The following TUT4 variants were observed in gnomAD, a reference collection of about 807,000 sequenced individuals.
TUT4 encodes terminal uridylyltransferase 4.
A neutral mutation model predicts 192.2 loss-of-function variants in TUT4; 36 were observed. The ratio of observed to expected loss-of-function variants is 0.19; its 90% confidence interval spans 0.14 to 0.25. TUT4 has a LOEUF of 0.25. TUT4 is among the 10% of genes least tolerant of loss of function. The pLI is 1.00. For missense variants in TUT4, 1,493 were observed against 1,957.2 expected (o/e 0.76, Z 4.47); for synonymous variants, 618 against 666.0 (o/e 0.93, Z 1.11).
chr1:52,472,595 T>C (rs1386180101), intron 13 of TUT4, among the ~76,000 whole-genome samples: 2 of 151,142 alleles, frequency 1.3e-5, no homozygotes, highest in African/African-American at 4.8e-5. Flanking sequence ...TAATATTTAA[T>C]AAATTATTAA....
At chr1:52,511,384 T>C (rs965686899) in intron 3 of TUT4, among the ~76,000 whole-genome samples, 1 of 152,178 alleles carries the variant, frequency 6.6e-6, no homozygotes, top group African/African-American at 2.4e-5. Flanking sequence ...ATCAAATATA[T>C]TGAGCTCATA....
intron 1 of TUT4, among the ~76,000 whole-genome samples, chr1:52,531,566 A>G (rs1223698616): frequency 6.6e-6 from 1 of 152,188 alleles, no homozygotes; most frequent in African/African-American, 2.4e-5. Context: ...CCTAATACAA[A>G]GTAGGCACCC....
At chr1:52,466,340 A>T (rs1664120614) in intron 15 of TUT4, among the ~76,000 whole-genome samples, 1 of 151,988 alleles carries the variant, frequency 6.6e-6, no homozygotes, top group South Asian at 2.1e-4. Flanking sequence ...CTTTACAAAA[A>T]TTTTTTAAGA....
intron 7 of TUT4, 130 bp from the exon 8 acceptor site, chr1:52,490,931 T>A: frequency 1.3e-6 from 1 of 760,130 alleles, no homozygotes. Flanking sequence ...ACTCTTCTCA[T>A]TATGAGCACC....
At chr1:52,473,363 G>C (rs1402197888) in intron 13 of TUT4, among the ~76,000 whole-genome samples, 2 of 152,080 alleles carry the variant, frequency 1.3e-5, no homozygotes, top group Non-Finnish European at 2.9e-5. Context: ...CTGGAGATCT[G>C]TACAGATTAA....
Position 52,488,968 on chromosome 1 carries a change from G to C in TUT4, c.1456C>G (p.Leu486Val), listed in dbSNP as rs558526802. ...ATAAAGACAGGTTCTATTTTGCCAA[G>C]GGCAGTAAGTAAATCAGTAGTGAGA... ...ACLTTDLLTA[L>V]GKIEPVFIPL... Residue 486 changes from leucine to valine, a missense_variant, in exon 9 of 30, where the codon CTT becomes GTT. Around this residue, in one of 7 missense-constraint regions of TUT4, gnomAD observed 437 missense variants for 577.6 expected, o/e 0.76. Coordinates refer to ENST00000257177, the MANE Select transcript of TUT4 (RefSeq NM_001009881.3). 19 of 1,613,760 alleles carry C rather than the reference G, an allele frequency of 1.2e-5. No individual in the cohort carries two copies. The South Asian group carries it at 1.5e-4, about 13-fold the overall frequency.
rs1358206605 is a variant in TUT4, at chr1:52,461,598, G to T, written c.3146C>A (p.Pro1049His). Residue 1049 changes from proline to histidine, a missense_variant, in exon 18 of 30, where the codon CCT becomes CAT. This residue lies in a region of TUT4 where 141 missense variants were observed against 382.7 expected (regional missense o/e 0.37). Transcript: ENST00000257177. Reference protein sequence around the residue: ...KRHPGLRNILPITTAKVPIVK... With the variant: ...KRHPGLRNILHITTAKVPIVK... Reference sequence around the variant, plus strand: ...TATAGGCACTTTGGCAGTAGTTATAGGCAAAATGTTTCTTAAACCTAATTT... The same window carrying T: ...TATAGGCACTTTGGCAGTAGTTATATGCAAAATGTTTCTTAAACCTAATTT... The T allele has an allele frequency of 6.2e-7, 1 of 1,611,092 alleles. No individual in the cohort carries two copies.
rs544085647 is a variant in TUT4, at chr1:52,534,103, A to C, written c.-93-7730T>G. ...ACTCCCCTCATTCATTCCTTGCCTA[A>C]GGAGAAGAGGTAACTTACTTCATCA... On this transcript the variant is annotated intron_variant, in intron 1 of 29. Transcript: ENST00000257177. 2.0e-5 allele frequency among the ~76,000 whole-genome samples: 3 copies of C among 152,318 alleles called. No individual in the cohort carries two copies. In the East Asian group the frequency reaches 5.8e-4, roughly 29 times the overall value.
intron 18 of TUT4, 82 bp from the exon 19 acceptor site, chr1:52,461,305 C>A: frequency 3.8e-6 from 5 of 1,318,062 alleles, no homozygotes; most frequent in Admixed American, 2.2e-5. Context: ...AAAATACACT[C>A]CAAATACAAA....
chr1:52,493,681 T>C lies in TUT4; in HGVS notation c.1267-19A>G. Reference sequence around the variant, plus strand: ...GATTCATCTAAAAAAGTTTCAAAAATAAATCGATATACTAATTTCAAAGTT... The same window carrying C: ...GATTCATCTAAAAAAGTTTCAAAAACAAATCGATATACTAATTTCAAAGTT... On this transcript the variant is annotated intron_variant, in intron 6 of 29. Coordinates refer to ENST00000257177, the MANE Select transcript of TUT4 (RefSeq NM_001009881.3). The C allele has an allele frequency of 1.4e-6, 2 of 1,441,704 alleles. No individual in the cohort carries two copies. Among genetic ancestry groups the C allele is most frequent in the Non-Finnish European group, 1.9e-6 (2 of 1,050,932 alleles). The allele number at this position is 1,441,704 out of a possible 1,614,324, so 89.3% of individuals were successfully genotyped here.
intron 20 of TUT4, among the ~76,000 whole-genome samples, chr1:52,447,291 T>C (rs1657795898): frequency 6.6e-6 from 1 of 151,138 alleles, no homozygotes; most frequent in Non-Finnish European, 1.5e-5. Context: ...CTACTAAAGA[T>C]ACAAAAAATT....
At position 52,515,962 on chromosome 1, in the gene TUT4, G is replaced by C. The variant is rs1557916510; in HGVS notation, c.811C>G (p.Pro271Ala). The change falls in exon 3 of 30, where the codon CCT (proline) becomes GCT (alanine). Residue 271 changes from proline (P) to alanine (A), a missense_variant. Pro to Ala is a conservative substitution (Grantham distance 27). Around this residue, in one of 7 missense-constraint regions of TUT4, gnomAD observed 437 missense variants for 577.6 expected, o/e 0.76. Transcript: ENST00000257177. ...TGTTTCAACCCCAGCCTCTGCTCAG[G>C]TGTCAATGCAGATTCATCTATCACA... is the stretch of plus-strand genomic sequence containing the variant. ...ATVIDESALTPEQRLGLKQAE... is the reference protein window; with the variant it reads ...ATVIDESALTAEQRLGLKQAE... 2.5e-6 allele frequency: 4 copies of C among 1,613,258 alleles called. No homozygotes were observed. The highest frequency in any genetic ancestry group is 3.4e-6 in the Non-Finnish European group (4 of 1,179,846).
intron 1 of TUT4, among the ~76,000 whole-genome samples, chr1:52,540,731 G>A (rs1686385065): frequency 6.6e-6 from 1 of 152,008 alleles, no homozygotes; most frequent in African/African-American, 2.4e-5. Flanking sequence ...CCAATTTTTG[G>A]TCCAAGTTTA....
At chr1:52,535,248 A>G (rs1278200470) in intron 1 of TUT4, 1 of 151,974 alleles carries the variant, frequency 6.6e-6, no homozygotes, top group African/African-American at 2.4e-5. Flanking sequence ...TGGGCCTCCT[A>G]AATTGATTCT....
At chr1:52,498,001 T>C (rs116483412) in intron 4 of TUT4, among the ~76,000 whole-genome samples, 1,655 of 152,276 alleles carry the variant, frequency 0.011, 9 homozygotes, top group Non-Finnish European at 0.015. Flanking sequence ...TCAGATATAA[T>C]AGCCAAAGCT....
chr1:52,424,659 A>C (rs1170598016), intron 29 of TUT4: 2 of 152,312 alleles, frequency 1.3e-5, no homozygotes, highest in African/African-American at 4.8e-5. Flanking sequence ...CTTTGTTTGT[A>C]ATATTCATTA....
intron 1 of TUT4, among the ~76,000 whole-genome samples, chr1:52,537,327 TG>T (rs1685208186): frequency 6.6e-6 from 1 of 152,000 alleles, no homozygotes; most frequent in Non-Finnish European, 1.5e-5. Context: ...AAGAGAGAGC[TG>T]GGGCTAAATT....
chr1:52,525,844 T>C lies in TUT4; in HGVS notation c.437A>G (p.Tyr146Cys). The C allele has an allele frequency of 1.2e-6, 2 of 1,614,200 alleles. No homozygotes were observed. The highest frequency in any genetic ancestry group is 1.7e-6 in the Non-Finnish European group (2 of 1,180,038). Residue 146 changes from tyrosine (Y) to cysteine (C), a missense_variant, in exon 2 of 30, where the codon TAT (tyrosine) becomes TGT (cysteine). Tyr to Cys is a radical substitution (Grantham distance 194). Transcript: ENST00000257177. ...TGGTACTTTTTCTGACTTCATCTGA[T>C]AACTGGATGCTTTTTCTGCTTTCAC... Reference protein sequence around the residue: ...NSVKAEKASSYQMKSEKVPSS... With the variant: ...NSVKAEKASSCQMKSEKVPSS...
chr1:52,544,327 A>C (rs569069129), intron 1 of TUT4, among the ~76,000 whole-genome samples: 1 of 152,092 alleles, frequency 6.6e-6, no homozygotes, highest in African/African-American at 2.4e-5. Context: ...ATAGTATGGT[A>C]TTAGTATAAA....
Sources: allele counts gnomAD v4.1 joint callset (sites outside exome capture counted in the v4.1 genomes callset), GRCh38; gene constraint gnomAD v4.1.1; regional missense constraint gnomAD v4.1.1; transcripts MANE v1.5; gene names NCBI Gene and HGNC (gene_info 2026-07-23, HGNC 2026-07-21).